Variants in CRIM1 observed in about 807,000 individuals in gnomAD.
The protein encoded by CRIM1 is cysteine-rich motor neuron 1 protein.
Under a neutral mutation model 116.4 loss-of-function variants are expected in CRIM1, and 32 were observed. That is an observed-to-expected ratio of 0.27 (90% CI 0.21 to 0.37). The LOEUF (loss-of-function observed/expected upper bound fraction) is 0.37, where lower values mean the gene tolerates loss of function less well. Among genes scored for constraint, CRIM1 ranks in the 10% least tolerant of loss-of-function variants. The pLI is 1.00. For synonymous variants in CRIM1, 590 were observed against 509.2 expected (o/e 1.16, Z -2.13); for missense variants, 1,331 against 1,354.8 (o/e 0.98, Z 0.28).
intron 1 of CRIM1, among the ~76,000 whole-genome samples, chr2:36,394,786 C>T (rs1367031217): frequency 6.6e-6 from 1 of 152,012 alleles, no homozygotes; most frequent in Non-Finnish European, 1.5e-5. Context: ...AATAAGTGAG[C>T]CTGATCTCCT....
At chr2:36,444,637 A>G (rs1212144516) in intron 4 of CRIM1, among the ~76,000 whole-genome samples, 1 of 152,232 alleles carries the variant, frequency 6.6e-6, no homozygotes, top group Non-Finnish European at 1.5e-5. Context: ...GAAGTCATTC[A>G]ACATCCCACT....
chr2:36,500,913 A>G (rs1054131844), intron 8 of CRIM1, among the ~76,000 whole-genome samples: 2 of 152,162 alleles, frequency 1.3e-5, no homozygotes, highest in African/African-American at 4.8e-5. Flanking sequence ...TGGAAACCCT[A>G]TTTTTAAAAT....
intron 2 of CRIM1, among the ~76,000 whole-genome samples, chr2:36,407,710 A>AAG (rs1672917141): frequency 6.6e-6 from 1 of 151,888 alleles, no homozygotes; most frequent in African/African-American, 2.4e-5. Flanking sequence ...CGTCAAAAAA[A>AAG]AAAAAAAAAA....
At chr2:36,532,334 C>T (rs1012236685) in intron 13 of CRIM1, among the ~76,000 whole-genome samples, 9 of 152,140 alleles carry the variant, frequency 5.9e-5, no homozygotes, top group Non-Finnish European at 1.2e-4. Context: ...AGTGTCATAC[C>T]TCATGGTTTC....
rs74588320 is a variant in CRIM1 at position 36,378,081 on chromosome 2, C to G, written c.332-18533C>G. On this transcript the variant is annotated intron_variant, in intron 1 of 16. Coordinates refer to ENST00000280527, the MANE Select transcript of CRIM1 (RefSeq NM_016441.3). ...CAGTGGAGATATTAACGAGACTTTA[C>G]CCTTTCTAAACTTAGGGGCTTACTC... 3.9e-3 allele frequency among the ~76,000 whole-genome samples: 591 copies of G among 152,258 alleles called. 23 individuals carry two copies. The East Asian group carries it at 0.1, about 26-fold the overall frequency.
intron 2 of CRIM1, among the ~76,000 whole-genome samples, chr2:36,397,945 A>C (rs1411589073): frequency 6.6e-6 from 1 of 152,132 alleles, no homozygotes; most frequent in Non-Finnish European, 1.5e-5. Context: ...TGCTAGTACT[A>C]ATCACACCAA....
At chr2:36,494,342 C>A (rs573070950) in intron 7 of CRIM1, among the ~76,000 whole-genome samples, 1 of 151,970 alleles carries the variant, frequency 6.6e-6, no homozygotes, top group Admixed American at 6.6e-5. Context: ...CTAACATTTT[C>A]CTGGAAATAA....
chr2:36,495,566 A>G (rs1680530157), intron 7 of CRIM1, among the ~76,000 whole-genome samples: 1 of 150,864 alleles, frequency 6.6e-6, no homozygotes, highest in Non-Finnish European at 1.5e-5. Context: ...TCCCACCAGG[A>G]ACTCTCTTGG....
chr2:36,360,310 G>C (rs531590704), intron 1 of CRIM1, among the ~76,000 whole-genome samples: 22 of 152,290 alleles, frequency 1.4e-4, no homozygotes, highest in African/African-American at 5.1e-4. Flanking sequence ...TCACTGTTCC[G>C]AGGACTCTGT....
chr2:36,471,135 G>A (rs117229297), intron 5 of CRIM1, among the ~76,000 whole-genome samples: 8 of 152,250 alleles, frequency 5.3e-5, no homozygotes, highest in South Asian at 2.1e-4. Context: ...TCTTCTTATC[G>A]ATGAGCAAAG....
intron 1 of CRIM1, among the ~76,000 whole-genome samples, chr2:36,384,653 A>G (rs1319595613): frequency 1.3e-5 from 2 of 152,156 alleles, no homozygotes; most frequent in African/African-American, 2.4e-5. Flanking sequence ...ATTCATATGC[A>G]TTTCTTGACA....
At chr2:36,384,171 G>T (rs148170717) in intron 1 of CRIM1, among the ~76,000 whole-genome samples, 3 of 152,356 alleles carry the variant, frequency 2.0e-5, no homozygotes, top group Non-Finnish European at 2.9e-5. Flanking sequence ...AGACCTGAAG[G>T]TGTGCTGGAG....
chr2:36,416,312 A>G (rs1185074134), intron 2 of CRIM1, among the ~76,000 whole-genome samples: 1 of 152,144 alleles, frequency 6.6e-6, no homozygotes, highest in Non-Finnish European at 1.5e-5. Flanking sequence ...GCCATTGAGG[A>G]ACCTAAATTA....
intron 1 of CRIM1, among the ~76,000 whole-genome samples, chr2:36,376,812 G>T (rs1459685240): frequency 6.6e-6 from 1 of 152,138 alleles, no homozygotes; most frequent in East Asian, 1.9e-4. Context: ...TGCTGTGAGG[G>T]TTTTTAAAAA....
At chr2:36,515,982 C>G (rs867701) in intron 11 of CRIM1, among the ~76,000 whole-genome samples, 116,490 of 152,168 alleles carry the variant, frequency 0.77, 44,667 homozygotes, top group Middle Eastern at 0.8. Flanking sequence ...CTTCCTCTCT[C>G]TTGTTCTTAT....
At chr2:36,382,149 A>G (rs1229018723) in intron 1 of CRIM1, among the ~76,000 whole-genome samples, 1 of 152,262 alleles carries the variant, frequency 6.6e-6, no homozygotes, top group Non-Finnish European at 1.5e-5. Flanking sequence ...ATCAGGATGC[A>G]GAACCAGGGC....
At chr2:36,495,221 CAGTT>C (rs1680494786) in intron 7 of CRIM1, among the ~76,000 whole-genome samples, 1 of 152,148 alleles carries the variant, frequency 6.6e-6, no homozygotes, top group Admixed American at 6.6e-5. Context: ...CTCCGACACA[CAGTT>C]TCAGTGCCAT....
rs1187031765 is a variant in CRIM1, at chr2:36,441,958, A to G, written c.748+458A>G. Among the ~76,000 whole-genome samples the G allele has an allele frequency of 2.6e-5, 4 of 152,232 alleles. No individual in the cohort carries two copies. In the East Asian group the frequency reaches 7.7e-4, roughly 29 times the overall value. ...CAAAACGCCAGAAGTTTCATAATGCAACACTCAGCCCCAATCTTTCTCTTT... is the reference window on the plus strand; with the variant it reads ...CAAAACGCCAGAAGTTTCATAATGCGACACTCAGCCCCAATCTTTCTCTTT... On this transcript the variant is annotated intron_variant, in intron 3 of 16. Coordinates refer to ENST00000280527, the MANE Select transcript of CRIM1 (RefSeq NM_016441.3).
intron 7 of CRIM1, among the ~76,000 whole-genome samples, chr2:36,486,760 A>G (rs1260908892): frequency 6.6e-6 from 1 of 152,178 alleles, no homozygotes; most frequent in African/African-American, 2.4e-5. Flanking sequence ...ATTTTCATCT[A>G]ATCAACAGAG....
Sources: gnomAD v4.1 joint callset for allele counts (sites outside exome capture counted in the v4.1 genomes callset) on GRCh38, gnomAD v4.1.1 for gene constraint, MANE v1.5 for transcripts, NCBI Gene and HGNC (gene_info 2026-07-23, HGNC 2026-07-21) for gene names.